Variants in HCN4 observed in about 807,000 individuals in gnomAD.
The protein encoded by HCN4 is hyperpolarization activated cyclic nucleotide gated potassium channel 4, also known as potassium/sodium hyperpolarization-activated cyclic nucleotide-gated channel 4.
In HCN4, 29 loss-of-function variants were observed where a neutral mutation model predicts 76.9. That is an observed-to-expected ratio of 0.38 (90% CI 0.28 to 0.51). The LOEUF (loss-of-function observed/expected upper bound fraction) is 0.51, where lower values mean the gene tolerates loss of function less well. HCN4 is among the 20% of genes least tolerant of loss of function. The probability of loss-of-function intolerance (pLI) is 0.90; values close to 1 mark genes in which losing one functional copy is unlikely to be tolerated. For synonymous variants in HCN4, 772 were observed against 762.5 expected, an observed-to-expected ratio of 1.01 and a Z score of -0.21; for missense variants, 1,416 against 1,715.2, an observed-to-expected ratio of 0.83 and a Z score of 3.08.
chr15:73,342,661 C>A (rs1432169913), intron 2 of HCN4, among the ~76,000 whole-genome samples: 1 of 152,240 alleles, frequency 6.6e-6, no homozygotes, highest in Non-Finnish European at 1.5e-5. Context: ...GTCCCTCTCC[C>A]CAGTCCCCTT....
chr15:73,330,643 G>C (rs2097532017), intron 3 of HCN4, among the ~76,000 whole-genome samples: 1 of 152,222 alleles, frequency 6.6e-6, no homozygotes, highest in Non-Finnish European at 1.5e-5. Context: ...GCAGATGCAT[G>C]AGCCACAGTG....
chr15:73,352,638 A>G (rs2043059893), intron 1 of HCN4, among the ~76,000 whole-genome samples: 1 of 152,206 alleles, frequency 6.6e-6, no homozygotes, highest in African/African-American at 2.4e-5. Flanking sequence ...TGAGCTGTGC[A>G]GGCGGTGGGA....
chr15:73,352,011 G>A (rs901208075), intron 1 of HCN4, among the ~76,000 whole-genome samples: 1 of 152,172 alleles, frequency 6.6e-6, no homozygotes, highest in African/African-American at 2.4e-5. Flanking sequence ...CTTCTCCTGG[G>A]AAGCCTTCTT....
At position 73,325,019 on chromosome 15, in the gene HCN4, G is replaced by A. The variant is rs773619093; in HGVS notation, c.1914C>T (p.Gly638=). The stretch of plus-strand genomic sequence containing the variant: ...TGCCCTTGGTGAGCACGCTGACCAC[G>A]CCATGCTGGATGAAGTACATCTTCT... The part of the protein sequence containing the change: ...IGKKMYFIQH[G]VVSVLTKGNK... Residue 638 remains glycine (G), a synonymous_variant, in exon 6 of 8, where the codon GGC becomes GGT. Transcript: ENST00000261917. The surrounding 1 kb of genome is among the most constrained non-coding windows in gnomAD (Gnocchi z 7.4). 10 of 1,614,196 alleles carry A rather than the reference G, an allele frequency of 6.2e-6. No individual in the cohort carries two copies. Among genetic ancestry groups the A allele is most frequent in the African/African-American group, 2.7e-5 (2 of 75,052 alleles).
At chr15:73,326,352 C>T (rs1291939532) in intron 4 of HCN4, among the ~76,000 whole-genome samples, 6 of 152,218 alleles carry the variant, frequency 3.9e-5, no homozygotes, top group Non-Finnish European at 5.9e-5. Flanking sequence ...GAAACACCCA[C>T]GGGCAAATGA....
rs2042861153 is a variant in HCN4 at position 73,321,919 on chromosome 15, C to T, written c.*562G>A. On this transcript the variant is annotated 3_prime_UTR_variant, in exon 8 of 8. Coordinates refer to ENST00000261917, the MANE Select transcript of HCN4 (RefSeq NM_005477.3). ...CATAGCTATACATATACACATCTTACATACATATACATATACATATTCATA... is the reference window on the plus strand; with the variant it reads ...CATAGCTATACATATACACATCTTATATACATATACATATACATATTCATA... 6.0e-6 allele frequency: 1 copy of T among 168,036 alleles called. No homozygotes were observed. Among genetic ancestry groups the T allele is most frequent in the South Asian group, 1.5e-4 (1 of 6,456 alleles). 10.4% of individuals were successfully genotyped at this position (168,036 alleles called of 1,614,324 possible).
Position 73,343,933 on chromosome 15 carries a change from C to G in HCN4, c.786-125G>C. 1 of 933,900 alleles carries G rather than the reference C, an allele frequency of 1.1e-6. No individual in the cohort carries two copies. The highest frequency in any genetic ancestry group is 1.7e-6 in the Non-Finnish European group (1 of 585,622). The allele number at this position is 933,900 out of a possible 1,614,324, so 57.9% of individuals were successfully genotyped here. On this transcript the variant is annotated intron_variant, in intron 1 of 7. Coordinates refer to ENST00000261917, the MANE Select transcript of HCN4 (RefSeq NM_005477.3). This position sits in a 1 kb window ranked among gnomAD's most constrained non-coding sequence, Gnocchi z 5.7. ...CTTGGGAGGTTCTGAGACAGGAAGA[C>G]AGGCACATGGGTACCAGGGCAAGAT...
At position 73,368,155 on chromosome 15, in the gene HCN4, C is replaced by T; in HGVS notation, c.116G>A (p.Gly39Asp). Residue 39 changes from glycine to aspartate, a missense_variant, in exon 1 of 8, where the codon GGC becomes GAC. Gly to Asp is a moderately conservative substitution (Grantham distance 94, BLOSUM62 -1). Coordinates refer to ENST00000261917, the MANE Select transcript of HCN4 (RefSeq NM_005477.3). The surrounding 1 kb of genome is among the most constrained non-coding windows in gnomAD (Gnocchi z 6.9). The part of the protein sequence containing the change: ...EEDAEEEGAG[G>D]RQDPSRRSIR... Reference sequence around the variant, plus strand: ...GCTCCTGCGGCTGGGGTCTTGGCGGCCCCCGGCCCCCTCCTCCTCGGCGTC... The same window carrying T: ...GCTCCTGCGGCTGGGGTCTTGGCGGTCCCCGGCCCCCTCCTCCTCGGCGTC... 2.6e-6 allele frequency: 4 copies of T among 1,520,858 alleles called. No individual in the cohort carries two copies. Among genetic ancestry groups the T allele is most frequent in the Non-Finnish European group, 3.5e-6 (4 of 1,135,836 alleles). The allele number at this position is 1,520,858 out of a possible 1,614,324, so 94.2% of individuals were successfully genotyped here. A position where few individuals can be genotyped will look rare whatever the true frequency, so the allele number is the denominator to read the frequency against.
chr15:73,323,713 C>A lies in HCN4; in HGVS notation c.2380G>T (p.Ala794Ser). 1 of 1,599,978 alleles carries A rather than the reference C, an allele frequency of 6.3e-7. No homozygotes were observed. Among genetic ancestry groups the A allele is most frequent in the South Asian group, 1.1e-5 (1 of 89,330 alleles). The change falls in exon 8 of 8, where the codon GCC (alanine) becomes TCC (serine). Residue 794 changes from alanine (A) to serine (S), a missense_variant. Physicochemically the swap from Ala to Ser is moderately conservative, Grantham distance 99 (BLOSUM62 1). Transcript: ENST00000261917. Reference protein sequence around the residue: ...AAAATTSVAIALTHHPRLPAA... With the variant: ...AAAATTSVAISLTHHPRLPAA... ...GGCAGGCGAGGGTGGTGGGTGAGGG[C>A]TATGGCCACAGAAGTGGTGGCAGCG...
At chr15:73,365,888 A>G (rs960992164) in intron 1 of HCN4, among the ~76,000 whole-genome samples, 11 of 152,156 alleles carry the variant, frequency 7.2e-5, no homozygotes, top group African/African-American at 2.7e-4. Context: ...AAGAGTTGAG[A>G]GACAGGAGGA....
intron 3 of HCN4, among the ~76,000 whole-genome samples, chr15:73,331,692 GC>G (rs1472436205): frequency 6.6e-6 from 1 of 152,110 alleles, no homozygotes; most frequent in African/African-American, 2.4e-5. Context: ...GGATCCCCCT[GC>G]CTCGGCCTCC....
At chr15:73,364,579 C>T (rs946269142) in intron 1 of HCN4, among the ~76,000 whole-genome samples, 2 of 152,138 alleles carry the variant, frequency 1.3e-5, no homozygotes, top group South Asian at 2.1e-4. Context: ...GCATCCTGGC[C>T]TCTTCCCTTA....
chr15:73,344,609 A>G (rs1182106148), intron 1 of HCN4, among the ~76,000 whole-genome samples: 2 of 152,350 alleles, frequency 1.3e-5, no homozygotes, highest in Admixed American at 6.5e-5. Context: ...GATACCACTC[A>G]ATGTGATAGA....
chr15:73,368,327 G>A lies in HCN4; in HGVS notation c.-57C>T. On this transcript the variant is annotated 5_prime_UTR_variant, in exon 1 of 8. Coordinates refer to ENST00000261917, the MANE Select transcript of HCN4 (RefSeq NM_005477.3). This position sits in a 1 kb window ranked among gnomAD's most constrained non-coding sequence, Gnocchi z 6.9. Reference sequence around the variant, plus strand: ...GGGCAGGAGCGCGGCGCCGCGGACGGGCTCCAGGTCCGCCCGCCGGTCAGT... The same window carrying A: ...GGGCAGGAGCGCGGCGCCGCGGACGAGCTCCAGGTCCGCCCGCCGGTCAGT... 13 of 1,298,236 alleles carry A rather than the reference G, an allele frequency of 1.0e-5. No homozygotes were observed. The highest frequency in any genetic ancestry group is 5.2e-5 in the South Asian group (3 of 57,804). 80.4% of individuals were successfully genotyped at this position (1,298,236 alleles called of 1,614,324 possible).
chr15:73,323,114 C>T lies in HCN4; in HGVS notation c.2979G>A (p.Thr993=), dbSNP rs75307879. The part of the protein sequence containing the change: ...SLGLATGPLS[T]PETPPRQPEP... Reference sequence around the variant, plus strand: ...CAGGCTGCCGTGGGGGTGTCTCTGGCGTGCTCAGTGGGCCAGTGGCCAGAC... The same window carrying T: ...CAGGCTGCCGTGGGGGTGTCTCTGGTGTGCTCAGTGGGCCAGTGGCCAGAC... The change falls in exon 8 of 8, where the codon ACG becomes ACA. Residue 993 remains threonine, a synonymous_variant. Transcript: ENST00000261917. The T allele has an allele frequency of 1.7e-3, 2,759 of 1,593,880 alleles. 40 individuals carry two copies. In the African/African-American group the frequency reaches 0.032, roughly 19 times the overall value.
rs2151228694 is a variant in HCN4 at position 73,368,100 on chromosome 15, G to T, written c.171C>A (p.Ser57=). ...CCGTGCCACCCGCGGCCGCCGAGGG[G>T]GAGGGCGAGGGCAGTGGCCGCAGCC... ...SIRLRPLPSP[S]PSAAAGGTES... Residue 57 remains serine (S), a synonymous_variant, in exon 1 of 8, where the codon TCC becomes TCA. Transcript: ENST00000261917. The surrounding 1 kb of genome is among the most constrained non-coding windows in gnomAD (Gnocchi z 6.9). 1 of 1,498,148 alleles carries T rather than the reference G, an allele frequency of 6.7e-7. No individual in the cohort carries two copies. Among genetic ancestry groups the T allele is most frequent in the Admixed American group, 2.1e-5 (1 of 47,258 alleles). The allele number at this position is 1,498,148 out of a possible 1,614,324, so 92.8% of individuals were successfully genotyped here.
chr15:73,323,836 C>T lies in HCN4; in HGVS notation c.2257G>A (p.Ala753Thr), dbSNP rs1282673833. Residue 753 changes from alanine (A) to threonine (T), a missense_variant, in exon 8 of 8, where the codon GCC becomes ACC. Around this residue, in one of 6 missense-constraint regions of HCN4, gnomAD observed 241 missense variants for 379.4 expected, o/e 0.64. Coordinates refer to ENST00000261917, the MANE Select transcript of HCN4 (RefSeq NM_005477.3). ...GCCTGGACGCGGTGCGCGCAGTGGG[C>T]CATCTCCCGGTCATGCTGCACAATC... ...QQIVQHDREM[A>T]HCAHRVQAAA... The T allele has an allele frequency of 1.9e-6, 3 of 1,605,588 alleles. No homozygotes were observed. Among genetic ancestry groups the T allele is most frequent in the African/African-American group, 2.7e-5 (2 of 74,904 alleles).
chr15:73,337,864 A>T (rs533503084), intron 2 of HCN4, among the ~76,000 whole-genome samples: 13 of 152,284 alleles, frequency 8.5e-5, no homozygotes, highest in Admixed American at 8.5e-4. Flanking sequence ...GGGGACACAG[A>T]CTTCCGTGTC....
rs72741448 is a variant in HCN4 at position 73,324,703 on chromosome 15, G to A, written c.1978+252C>T. ...GGCCCTCACCAGCCCCAACCATGCT[G>A]GCCCCCTCAGCTCAGATGGCCAGCC... On this transcript the variant is annotated intron_variant, in intron 6 of 7. Coordinates refer to ENST00000261917, the MANE Select transcript of HCN4 (RefSeq NM_005477.3). Among the ~76,000 whole-genome samples, 19,243 of 152,162 alleles carry A rather than the reference G, an allele frequency of 0.13. 1,916 individuals carry two copies. The highest frequency in any genetic ancestry group is 0.52 in the East Asian group (2,656 of 5,150).
Sources: gnomAD v4.1 joint callset for allele counts (sites outside exome capture counted in the v4.1 genomes callset) on GRCh38, gnomAD v4.1.1 for gene constraint, gnomAD v4.1.1 regional missense constraint, Gnocchi (gnomAD v3.1) non-coding constraint, MANE v1.5 for transcripts, NCBI Gene and HGNC (gene_info 2026-07-23, HGNC 2026-07-21) for gene names.